GRIN2A: variants seen among roughly 807,000 people sequenced by gnomAD.
The protein encoded by GRIN2A is glutamate ionotropic receptor NMDA type subunit 2A.
In GRIN2A, 22 loss-of-function variants were observed where a neutral mutation model predicts 113.4. The observed-to-expected ratio is 0.19, with a 90% CI of 0.14 to 0.28. The LOEUF (loss-of-function observed/expected upper bound fraction) is 0.28. Among genes scored for constraint, GRIN2A ranks in the 10% least tolerant of loss-of-function variants. The pLI is 1.00. For synonymous variants in GRIN2A, 827 were observed against 738.4 expected (o/e 1.12, Z -1.94); for missense variants, 1,502 against 1,887.0 (o/e 0.80, Z 3.78).
intron 2 of GRIN2A, among the ~76,000 whole-genome samples, chr16:9,990,561 G>GCACACACACACACACACA: frequency 7.8e-6 from 1 of 128,742 alleles, no homozygotes; most frequent in Non-Finnish European, 1.7e-5. Context: ...GCGCGCGCGC[G>GCACACACACACACACACA]CGCACACACA....
chr16:9,980,002 G>A (rs1247292961), intron 2 of GRIN2A, among the ~76,000 whole-genome samples: 2 of 151,786 alleles, frequency 1.3e-5, no homozygotes, highest in Admixed American at 6.6e-5. Context: ...GCTCAGTCCT[G>A]TAATTCCAGC....
At chr16:10,059,859 C>A (rs1420319510) in intron 2 of GRIN2A, among the ~76,000 whole-genome samples, 1 of 152,028 alleles carries the variant, frequency 6.6e-6, no homozygotes, top group Admixed American at 6.6e-5. Context: ...GAAACGGAAA[C>A]CACTCCAGGT....
At chr16:10,149,369 A>G (rs970554765) in intron 2 of GRIN2A, among the ~76,000 whole-genome samples, 1 of 152,168 alleles carries the variant, frequency 6.6e-6, no homozygotes, top group Non-Finnish European at 1.5e-5. Flanking sequence ...TATGCACAAT[A>G]ATTAACAATT....
Position 10,156,890 on chromosome 16 carries a change from G to A in GRIN2A, c.414+23108C>T, listed in dbSNP as rs536230048. Among the ~76,000 whole-genome samples the A allele has an allele frequency of 9.2e-5, 14 of 152,300 alleles. 1 individual carries two copies. The highest frequency in any genetic ancestry group is 3.4e-3 in the Middle Eastern group (1 of 294). On this transcript the variant is annotated intron_variant, in intron 2 of 12. Transcript: ENST00000330684. ...ATGGAGGTGGGAGGAAGAACTCAGC[G>A]ATGGAGCTAGAACTATGGGCACGTG...
chr16:10,179,138 C>T (rs1271652701), intron 2 of GRIN2A, among the ~76,000 whole-genome samples: 1 of 152,302 alleles, frequency 6.6e-6, no homozygotes, highest in East Asian at 1.9e-4. Flanking sequence ...ACCAAAGCTC[C>T]CAGGCTGTCC....
intron 2 of GRIN2A, among the ~76,000 whole-genome samples, chr16:9,957,969 A>T (rs537884707): frequency 5.3e-5 from 8 of 152,158 alleles, no homozygotes; most frequent in Non-Finnish European, 1.2e-4. Context: ...TTCCATGTTG[A>T]TTGTGCATGC....
intron 2 of GRIN2A, among the ~76,000 whole-genome samples, chr16:10,124,975 C>G (rs185493285): frequency 3.9e-5 from 6 of 152,208 alleles, no homozygotes; most frequent in Admixed American, 6.5e-5. Context: ...ACCATGAGGA[C>G]AAAGCCCCTA....
At chr16:10,130,057 G>A (rs1416259603) in intron 2 of GRIN2A, among the ~76,000 whole-genome samples, 1 of 152,202 alleles carries the variant, frequency 6.6e-6, no homozygotes, top group East Asian at 1.9e-4. Flanking sequence ...CAGCTAGATG[G>A]AAAATGAGGT....
chr16:9,773,436 G>A (rs1341573365), intron 11 of GRIN2A, among the ~76,000 whole-genome samples: 1 of 152,170 alleles, frequency 6.6e-6, no homozygotes, highest in African/African-American at 2.4e-5. Context: ...ATTAAAAAGA[G>A]GCCGTGATCT....
intron 4 of GRIN2A, among the ~76,000 whole-genome samples, chr16:9,866,000 T>C (rs944190474): frequency 4.6e-5 from 7 of 152,218 alleles, no homozygotes; most frequent in African/African-American, 7.2e-5. Context: ...AATGCAGAGT[T>C]GAGTGCTTGC....
At chr16:10,117,198 C>G (rs1550960) in intron 2 of GRIN2A, among the ~76,000 whole-genome samples, 151,717 of 152,362 alleles carry the variant, frequency 1, 75,539 homozygotes, top group Middle Eastern at 1. Flanking sequence ...GGCTCCAATT[C>G]TTGGCTCCAA....
Position 9,756,301 on chromosome 16 carries a change from GT to G in GRIN2A, c.*6847del. The G allele has an allele frequency of 4.4e-6, 1 of 229,494 alleles. No individual in the cohort carries two copies. The highest frequency in any genetic ancestry group is 6.2e-5 in the East Asian group (1 of 16,164). The allele number at this position is 229,494 out of a possible 1,614,324, so 14.2% of individuals were successfully genotyped here. ...CCCCAGAAATTTTTTTAAATGCTAA[GT>G]GCAAGCATATGAAAGGGAGACACAA... On this transcript the variant is annotated 3_prime_UTR_variant, in exon 13 of 13. Coordinates refer to ENST00000330684, the MANE Select transcript of GRIN2A (RefSeq NM_001134407.3).
At chr16:10,048,647 A>C (rs2047300826) in intron 2 of GRIN2A, among the ~76,000 whole-genome samples, 1 of 152,210 alleles carries the variant, frequency 6.6e-6, no homozygotes, top group South Asian at 2.1e-4. Flanking sequence ...AAACACTAAC[A>C]TAGCCCAGGT....
At chr16:9,908,592 G>A (rs1043982390) in intron 3 of GRIN2A, among the ~76,000 whole-genome samples, 2 of 152,094 alleles carry the variant, frequency 1.3e-5, no homozygotes, top group African/African-American at 2.4e-5. Flanking sequence ...GGAAGAAGGA[G>A]AAGAAGAAGA....
intron 2 of GRIN2A, among the ~76,000 whole-genome samples, chr16:10,075,519 CTGA>C (rs1463610783): frequency 6.6e-6 from 1 of 152,060 alleles, no homozygotes; most frequent in African/African-American, 2.4e-5. Context: ...GAGATGGATA[CTGA>C]TGATGATTGC....
Position 9,762,836 on chromosome 16 carries a change from G to A in GRIN2A, c.*313C>T. On this transcript the variant is annotated 3_prime_UTR_variant, in exon 13 of 13. Coordinates refer to ENST00000330684, the MANE Select transcript of GRIN2A (RefSeq NM_001134407.3). ...ATAGGAAATCATAACATCACCATTG[G>A]CATCCAATGCATCATTATTGCCAAC... is the stretch of plus-strand genomic sequence containing the variant. 1 of 464,202 alleles carries A rather than the reference G, an allele frequency of 2.2e-6. No homozygotes were observed. Among genetic ancestry groups the A allele is most frequent in the South Asian group, 2.8e-5 (1 of 35,260 alleles). The allele number at this position is 464,202 out of a possible 1,614,324, so 28.8% of individuals were successfully genotyped here.
intron 10 of GRIN2A, among the ~76,000 whole-genome samples, chr16:9,814,889 G>T (rs1316357754): frequency 6.6e-6 from 1 of 152,034 alleles, no homozygotes; most frequent in Non-Finnish European, 1.5e-5. Context: ...GCATGGTGTT[G>T]CATACCTGTA....
intron 11 of GRIN2A, among the ~76,000 whole-genome samples, chr16:9,779,481 CTT>C (rs1901812325): frequency 6.6e-6 from 1 of 151,384 alleles, no homozygotes; most frequent in South Asian, 2.1e-4. Context: ...GCATCGGAGA[CTT>C]AGTTGTGGAA....
chr16:9,882,890 A>T (rs1366589052), intron 4 of GRIN2A, among the ~76,000 whole-genome samples: 5 of 152,212 alleles, frequency 3.3e-5, no homozygotes, highest in South Asian at 2.1e-4. Context: ...AGTGAGAGGA[A>T]AGGAAGCAGA....
Sources: allele counts gnomAD v4.1 joint callset (sites outside exome capture counted in the v4.1 genomes callset), GRCh38; gene constraint gnomAD v4.1.1; transcripts MANE v1.5; gene names NCBI Gene and HGNC (gene_info 2026-07-23, HGNC 2026-07-21).